TXNDC15: variants seen among roughly 807,000 people sequenced by gnomAD.
TXNDC15 encodes thioredoxin domain containing 15, also known as thioredoxin domain-containing protein 15.
TXNDC15 carries 24 observed loss-of-function variants against 35.0 expected under a neutral mutation model. The observed-to-expected ratio is 0.68, with a 90% CI of 0.50 to 0.96. The LOEUF is 0.96. Among genes scored for constraint, TXNDC15 ranks in the 40% least tolerant of loss-of-function variants. The pLI, the probability that TXNDC15 is intolerant of heterozygous loss-of-function variation, is 0.00. For synonymous variants in TXNDC15, 169 were observed against 174.0 expected, an observed-to-expected ratio of 0.97 and a Z score of 0.23; for missense variants, 385 against 453.3, an observed-to-expected ratio of 0.85 and a Z score of 1.37.
At chr5:134,876,750 T>C (rs1414480303) in intron 1 of TXNDC15, among the ~76,000 whole-genome samples, 3 of 150,056 alleles carry the variant, frequency 2.0e-5, no homozygotes, top group South Asian at 2.1e-4. Flanking sequence ...TTTTTTTTTT[T>C]CTGCAGAGGA....
At chr5:134,877,285 T>C (rs1020278332) in intron 1 of TXNDC15, among the ~76,000 whole-genome samples, 9 of 152,138 alleles carry the variant, frequency 5.9e-5, no homozygotes, top group Non-Finnish European at 1.3e-4. Context: ...AGGGATCTGA[T>C]GGCCACAGGT....
In TXNDC15 at chr5:134,887,846, CA is replaced by C. The variant is rs1292654897; in HGVS notation, c.256del (p.Thr86ProfsTer7). 1 of 1,614,188 alleles carries C rather than the reference CA, an allele frequency of 6.2e-7. No individual in the cohort carries two copies. The highest frequency in any genetic ancestry group is 2.2e-5 in the East Asian group (1 of 44,868). ...AGGCCAATGCGGTGCTGGGGCTGGACACCCAAGGCGATCACATGGTGATGCT... is the reference window on the plus strand; with the variant it reads ...AGGCCAATGCGGTGCTGGGGCTGGACCCCAAGGCGATCACATGGTGATGCT... Reference protein sequence around the residue: ...EEANAVLGLDTQGDHMVMLSV... With the variant: ...EEANAVLGLDXQGDHMVMLSV... On this transcript the variant is annotated frameshift_variant, in exon 2 of 5. Coordinates refer to ENST00000358387, the MANE Select transcript of TXNDC15 (RefSeq NM_024715.4). LOFTEE classifies it high-confidence loss of function.
At chr5:134,889,298 C>T (rs1255611422) in intron 2 of TXNDC15, among the ~76,000 whole-genome samples, 1 of 152,200 alleles carries the variant, frequency 6.6e-6, no homozygotes, top group Non-Finnish European at 1.5e-5. Context: ...GATCTGGGTT[C>T]ACTGCAACCT....
chr5:134,874,386 C>T lies in TXNDC15; in HGVS notation c.-42C>T, dbSNP rs370161011. On this transcript the variant is annotated 5_prime_UTR_variant, in exon 1 of 5. The change creates a new upstream start codon in the 5' untranslated region. Transcript: ENST00000358387. Reference sequence around the variant, plus strand: ...CCCAGCCTTCCTCCGGCTGGCAGCACGACTCGCGTAGCCGTGCGCCGATTG... The same window carrying T: ...CCCAGCCTTCCTCCGGCTGGCAGCATGACTCGCGTAGCCGTGCGCCGATTG... The T allele has an allele frequency of 5.9e-5, 90 of 1,521,540 alleles. No homozygotes were observed. The highest frequency in any genetic ancestry group is 7.1e-5 in the Non-Finnish European group (81 of 1,134,450). 94.3% of individuals were successfully genotyped at this position (1,521,540 alleles called of 1,614,324 possible). A position where few individuals can be genotyped will look rare whatever the true frequency, so the allele number is the denominator to read the frequency against.
chr5:134,883,587 C>CAAAAAAAAAAAAAAAAAAAAAAA (rs60114636), intron 1 of TXNDC15, among the ~76,000 whole-genome samples: 2 of 65,358 alleles, frequency 3.1e-5, no homozygotes, highest in African/African-American at 1.5e-4. Flanking sequence ...GACCCTGTCT[C>CAAAAAAAAAAAAAAAAAAAAAAA]AAAAAAAAAA....
At position 134,888,103 on chromosome 5, in the gene TXNDC15, A is replaced by C. The variant is rs1561899610; in HGVS notation, c.512A>C (p.Lys171Thr). 1.9e-6 allele frequency: 3 copies of C among 1,614,104 alleles called. No homozygotes were observed. The African/African-American group carries it at 4.0e-5, about 22-fold the overall frequency. ...GACTCCAATAACACTGAAAGTCTGAAATCCCCAAAGGTGAACTGTGAGGAG... is the reference window on the plus strand; with the variant it reads ...GACTCCAATAACACTGAAAGTCTGACATCCCCAAAGGTGAACTGTGAGGAG... ...TEDSNNTESL[K>T]SPKVNCEERN... The change falls in exon 2 of 5, where the codon AAA becomes ACA. Residue 171 changes from lysine to threonine, a missense_variant. Coordinates refer to ENST00000358387, the MANE Select transcript of TXNDC15 (RefSeq NM_024715.4).
chr5:134,886,637 C>T (rs537133484), intron 1 of TXNDC15, among the ~76,000 whole-genome samples: 1 of 152,380 alleles, frequency 6.6e-6, no homozygotes, highest in South Asian at 2.1e-4. Flanking sequence ...TCCCAGCACT[C>T]CCAAGGGCAG....
At position 134,880,603 on chromosome 5, in the gene TXNDC15, A is replaced by AT. The variant is rs990989224; in HGVS notation, c.103+6084dup. On this transcript the variant is annotated intron_variant, in intron 1 of 4. Coordinates refer to ENST00000358387, the MANE Select transcript of TXNDC15 (RefSeq NM_024715.4). ...GGGCGCCCGCTACCATGCCAGGCTAATTTTTTTTTTTGTATTTTTAGTAGA... is the reference window on the plus strand; with the variant it reads ...GGGCGCCCGCTACCATGCCAGGCTAATTTTTTTTTTTTGTATTTTTAGTAGA... Among the ~76,000 whole-genome samples, 63 of 146,716 alleles carry AT rather than the reference A, an allele frequency of 4.3e-4. 1 individual carries two copies. The South Asian group carries it at 5.6e-3, about 13-fold the overall frequency.
chr5:134,886,074 A>G (rs1392432508), intron 1 of TXNDC15, among the ~76,000 whole-genome samples: 1 of 152,244 alleles, frequency 6.6e-6, no homozygotes, highest in Non-Finnish European at 1.5e-5. Flanking sequence ...TGAAGAAAAG[A>G]CAAATATTTA....
intron 1 of TXNDC15, among the ~76,000 whole-genome samples, chr5:134,881,195 A>ATTTATTTATTTT (rs3030171): frequency 1.1e-4 from 14 of 132,558 alleles, no homozygotes; most frequent in East Asian, 2.2e-4. Context: ...TTATTTATTT[A>ATTTATTTATTTT]TTTATTTTTT....
Position 134,874,431 on chromosome 5 carries a change from G to T in TXNDC15, c.4G>T (p.Val2Phe), listed in dbSNP as rs1414628651. Residue 2 changes from valine to phenylalanine, a missense_variant, in exon 1 of 5, where the codon GTC (valine) becomes TTC (phenylalanine). Physicochemically the swap from Val to Phe is conservative, Grantham distance 50. Transcript: ENST00000358387. Reference protein sequence around the residue: MVPAAGRRPPRV... With the variant: MFPAAGRRPPRV... ...CGATTGCCTCTCGGCCTGGGCAATG[G>T]TCCCGGCTGCCGGTCGACGACCGCC... The T allele has an allele frequency of 2.5e-6, 4 of 1,599,298 alleles. No individual in the cohort carries two copies. The South Asian group carries it at 4.4e-5, about 18-fold the overall frequency.
rs78807603 is a variant in TXNDC15 at position 134,893,325 on chromosome 5, C to G, written c.592-167C>G. Reference sequence around the variant, plus strand: ...TTTGATCATACTTTTTTGCTGGTTCCTGGATTCATATGGTTCAAAATCCAA... The same window carrying G: ...TTTGATCATACTTTTTTGCTGGTTCGTGGATTCATATGGTTCAAAATCCAA... On this transcript the variant is annotated intron_variant, in intron 2 of 4. Transcript: ENST00000358387. The G allele has an allele frequency of 3.7e-3, 2,481 of 662,214 alleles. 26 individuals are homozygous for G. The highest frequency in any genetic ancestry group is 0.029 in the East Asian group (1,096 of 37,174). 41.0% of individuals were successfully genotyped at this position (662,214 alleles called of 1,614,324 possible).
intron 1 of TXNDC15, among the ~76,000 whole-genome samples, chr5:134,882,146 GA>G (rs1487123702): frequency 6.6e-6 from 1 of 151,416 alleles, no homozygotes; most frequent in Non-Finnish European, 1.5e-5. Flanking sequence ...GCCGGGCAGA[GA>G]CGCTCCTCAC....
At chr5:134,875,289 G>C in intron 1 of TXNDC15, 1 of 456,252 alleles carries the variant, frequency 2.2e-6, no homozygotes, top group Admixed American at 2.3e-5. Context: ...TTAAAGTCCA[G>C]ACCCTCGGTC....
intron 1 of TXNDC15, among the ~76,000 whole-genome samples, chr5:134,877,983 C>T (rs566813493): frequency 6.6e-6 from 1 of 152,258 alleles, no homozygotes; most frequent in African/African-American, 2.4e-5. Flanking sequence ...CCATGTTGGC[C>T]AGGCTGGTCT....
At chr5:134,895,639 A>G (rs1312456507) in intron 3 of TXNDC15, among the ~76,000 whole-genome samples, 1 of 152,232 alleles carries the variant, frequency 6.6e-6, no homozygotes, top group Non-Finnish European at 1.5e-5. Flanking sequence ...CTATTTTACT[A>G]ATGCGGAAAA....
chr5:134,896,423 A>G lies in TXNDC15; in HGVS notation c.885A>G (p.Thr295=), dbSNP rs1334555226. Residue 295 remains threonine, a splice_region_variant and synonymous_variant, in exon 4 of 5, where the codon ACA becomes ACG. Coordinates refer to ENST00000358387, the MANE Select transcript of TXNDC15 (RefSeq NM_024715.4). ...TGAAAATCTTCATTTTTAATCAGAC[A>G]GGTATGTGGAAGTAATGTGCTGAGG... ...ETLKIFIFNQ[T]GIEAKKNVVV... The G allele has an allele frequency of 1.9e-6, 3 of 1,613,360 alleles. No homozygotes were observed. The highest frequency in any genetic ancestry group is 3.3e-5 in the Admixed American group (2 of 59,910).
Position 134,874,830 on chromosome 5 carries a change from C to T in TXNDC15, c.103+300C>T, listed in dbSNP as rs551513623. Among the ~76,000 whole-genome samples, 17 of 152,388 alleles carry T rather than the reference C, an allele frequency of 1.1e-4. No homozygotes were observed. The South Asian group carries it at 3.1e-3, about 28-fold the overall frequency. On this transcript the variant is annotated intron_variant, in intron 1 of 4. Coordinates refer to ENST00000358387, the MANE Select transcript of TXNDC15 (RefSeq NM_024715.4). ...GCGGTAAGCGCTGCTGAGGCATACC[C>T]TCTGGTGATAAGCAATTTATTATTA...
intron 3 of TXNDC15, among the ~76,000 whole-genome samples, chr5:134,895,067 C>A (rs1415993674): frequency 6.6e-6 from 1 of 151,862 alleles, no homozygotes; most frequent in African/African-American, 2.4e-5. Flanking sequence ...GGTACCCCAG[C>A]TACTTGGGAG....
Sources: allele counts gnomAD v4.1 joint callset (sites outside exome capture counted in the v4.1 genomes callset), GRCh38; gene constraint gnomAD v4.1.1; transcripts MANE v1.5; gene names NCBI Gene and HGNC (gene_info 2026-07-23, HGNC 2026-07-21).